MACROD1: variants seen among roughly 807,000 people sequenced by gnomAD.
MACROD1 encodes ADP-ribose glycohydrolase MACROD1.
MACROD1 carries 31 observed loss-of-function variants against 41.4 expected under a neutral mutation model. That is an observed-to-expected ratio of 0.75 (90% CI 0.56 to 1.01). MACROD1 has a LOEUF of 1.01. Among genes scored for constraint, MACROD1 ranks in the 50% least tolerant of loss-of-function variants. The pLI is 0.00. For synonymous variants in MACROD1, 252 were observed against 203.4 expected (o/e 1.24, Z -2.03); for missense variants, 473 against 460.0 (o/e 1.03, Z -0.26).
Position 64,067,898 on chromosome 11 carries a change from G to A in MACROD1, c.518-52617C>T, listed in dbSNP as rs556527130. The stretch of plus-strand genomic sequence containing the variant: ...CTGCTGTCCATTTAGCCAGCGGTTC[G>A]CTCGGCTTTTAGGAGGGGGCTGGCG... On this transcript the variant is annotated intron_variant, in intron 3 of 10. Coordinates refer to ENST00000255681, the MANE Select transcript of MACROD1 (RefSeq NM_014067.4). This position sits in a 1 kb window ranked among gnomAD's most constrained non-coding sequence, Gnocchi z 4.6. 2.0e-5 allele frequency among the ~76,000 whole-genome samples: 3 copies of A among 152,144 alleles called. No individual in the cohort carries two copies. Among genetic ancestry groups the A allele is most frequent in the African/African-American group, 2.4e-5 (1 of 41,426 alleles).
chr11:64,024,984 A>T (rs1943205888), intron 3 of MACROD1, among the ~76,000 whole-genome samples: 1 of 152,044 alleles, frequency 6.6e-6, no homozygotes, highest in East Asian at 1.9e-4. Flanking sequence ...TTTAATTTTT[A>T]AATTTTTTTT....
chr11:64,054,703 A>T (rs547541806), intron 3 of MACROD1, among the ~76,000 whole-genome samples: 2 of 152,062 alleles, frequency 1.3e-5, no homozygotes, highest in Admixed American at 1.3e-4. Context: ...ATTCCCCTCT[A>T]TCTTGCTCCC....
At chr11:64,049,783 T>C (rs1943655864) in intron 3 of MACROD1, among the ~76,000 whole-genome samples, 1 of 152,182 alleles carries the variant, frequency 6.6e-6, no homozygotes, top group South Asian at 2.1e-4. Context: ...CGCCAGCCTG[T>C]GGGGGACCCA....
At chr11:64,153,365 C>G (rs906280760) in intron 1 of MACROD1, among the ~76,000 whole-genome samples, 2 of 152,132 alleles carry the variant, frequency 1.3e-5, no homozygotes, top group Admixed American at 1.3e-4. Context: ...TTGAGAAACT[C>G]AAAAAGCATC....
At chr11:64,128,950 G>A (rs1410420409) in intron 3 of MACROD1, among the ~76,000 whole-genome samples, 1 of 152,238 alleles carries the variant, frequency 6.6e-6, no homozygotes, top group African/African-American at 2.4e-5. Context: ...AGTACAAGGA[G>A]GATGATTCTC....
chr11:64,116,723 G>T, intron 3 of MACROD1: 1 of 1,613,708 alleles, frequency 6.2e-7, no homozygotes, highest in Non-Finnish European at 8.5e-7. Flanking sequence ...GCATCCCGCT[G>T]CTGGAGAAGC....
rs1317511865 is a variant in MACROD1, at chr11:64,146,599, C to G, written c.517+4640G>C. ...GGGGTTTGTTCCGTCCCTGCAACTT[C>G]AAGCCCTGCCACCCGCCAGCCAGGC... is the stretch of plus-strand genomic sequence containing the variant. On this transcript the variant is annotated intron_variant, in intron 3 of 10. Transcript: ENST00000255681. The surrounding 1 kb of genome is among the most constrained non-coding windows in gnomAD (Gnocchi z 4.7). Among the ~76,000 whole-genome samples the G allele has an allele frequency of 1.3e-5, 2 of 152,136 alleles. No homozygotes were observed. Among genetic ancestry groups the G allele is most frequent in the African/African-American group, 2.4e-5 (1 of 41,416 alleles).
intron 3 of MACROD1, among the ~76,000 whole-genome samples, chr11:64,143,801 C>CACACACACACACACAA (rs762084927): frequency 6.0e-4 from 87 of 144,972 alleles, no homozygotes; most frequent in Non-Finnish European, 9.7e-4. Context: ...CACACACACA[C>CACACACACACACACAA]AATTTCCTGG....
At chr11:64,042,412 TG>T (rs1348013040) in intron 3 of MACROD1, among the ~76,000 whole-genome samples, 1 of 152,068 alleles carries the variant, frequency 6.6e-6, no homozygotes, top group Admixed American at 6.5e-5. Context: ...CTCTGGGGAA[TG>T]GGGGGGTGTG....
chr11:64,112,630 G>A (rs555020043), intron 3 of MACROD1, among the ~76,000 whole-genome samples: 6 of 152,198 alleles, frequency 3.9e-5, no homozygotes, highest in Non-Finnish European at 5.9e-5. Flanking sequence ...TATAATTCTC[G>A]ATAGGGTGCC....
intron 1 of MACROD1, among the ~76,000 whole-genome samples, chr11:64,164,947 G>A (rs1039590687): frequency 6.6e-6 from 1 of 151,836 alleles, no homozygotes; most frequent in Non-Finnish European, 1.5e-5. Flanking sequence ...CCCCCTCCAG[G>A]AGCAAGAGGA....
chr11:64,015,198 C>T, intron 4 of MACROD1, 54 bp downstream of exon 4: 2 of 1,526,136 alleles, frequency 1.3e-6, no homozygotes, highest in South Asian at 1.3e-5. Flanking sequence ...GAGGAGCAGA[C>T]CCAGCAGGGG....
intron 3 of MACROD1, among the ~76,000 whole-genome samples, chr11:64,032,906 C>G (rs1943312734): frequency 6.6e-6 from 1 of 152,190 alleles, no homozygotes; most frequent in Non-Finnish European, 1.5e-5. Context: ...CCCATCCTGG[C>G]TGACACCAGC....
At position 64,136,450 on chromosome 11, in the gene MACROD1, G is replaced by A. The variant is rs543519556; in HGVS notation, c.517+14789C>T. On this transcript the variant is annotated intron_variant, in intron 3 of 10. Coordinates refer to ENST00000255681, the MANE Select transcript of MACROD1 (RefSeq NM_014067.4). ...ATGGTTATTCTGGGCTGGGAGAGCT[G>A]CTGGATGAGGGTGGGATGCGTTGGC... Among the ~76,000 whole-genome samples the A allele has an allele frequency of 3.3e-5, 5 of 152,222 alleles. No individual in the cohort carries two copies. The East Asian group carries it at 9.6e-4, about 29-fold the overall frequency.
chr11:64,092,154 C>A (rs1477974976), intron 3 of MACROD1, among the ~76,000 whole-genome samples: 1 of 152,220 alleles, frequency 6.6e-6, no homozygotes, highest in Non-Finnish European at 1.5e-5. Flanking sequence ...CGTGGCATCC[C>A]GAGTGGGTGG....
intron 3 of MACROD1, among the ~76,000 whole-genome samples, chr11:64,111,804 A>C (rs1272798773): frequency 6.6e-6 from 1 of 152,152 alleles, no homozygotes; most frequent in Non-Finnish European, 1.5e-5. Flanking sequence ...CCCAGTCCCC[A>C]ATGTAATGAA....
chr11:64,143,541 G>A (rs919414563), intron 3 of MACROD1, among the ~76,000 whole-genome samples: 1 of 152,040 alleles, frequency 6.6e-6, no homozygotes, highest in East Asian at 1.9e-4. Context: ...AGCCCACCAG[G>A]AGGCCTCAGG....
chr11:64,020,952 G>A (rs998801287), intron 3 of MACROD1, among the ~76,000 whole-genome samples: 1 of 152,014 alleles, frequency 6.6e-6, no homozygotes, highest in Non-Finnish European at 1.5e-5. Context: ...CCTGAGCTCA[G>A]GTGATCCACC....
At chr11:64,050,768 G>A (rs1302988925) in intron 3 of MACROD1, among the ~76,000 whole-genome samples, 1 of 152,246 alleles carries the variant, frequency 6.6e-6, no homozygotes, top group Non-Finnish European at 1.5e-5. Context: ...ACAGGCGCAT[G>A]CCATAATACC....
Sources: gnomAD v4.1 joint callset for allele counts (sites outside exome capture counted in the v4.1 genomes callset) on GRCh38, gnomAD v4.1.1 for gene constraint, Gnocchi (gnomAD v3.1) non-coding constraint, MANE v1.5 for transcripts, NCBI Gene and HGNC (gene_info 2026-07-23, HGNC 2026-07-21) for gene names.